Variants in DTNB observed in about 807,000 individuals in gnomAD.
DTNB encodes the protein DTN-B.
DTNB carries 63 observed loss-of-function variants against 90.7 expected under a neutral mutation model. That is an observed-to-expected ratio of 0.69 (90% CI 0.57 to 0.86). The LOEUF (loss-of-function observed/expected upper bound fraction) is 0.86. DTNB is among the 40% of genes least tolerant of loss of function. The pLI is 0.00. For synonymous variants in DTNB, 277 were observed against 286.7 expected, an observed-to-expected ratio of 0.97 and a Z score of 0.34; for missense variants, 744 against 807.1, an observed-to-expected ratio of 0.92 and a Z score of 0.95.
chr2:25,613,792 T>C (rs2069359808), intron 4 of DTNB, among the ~76,000 whole-genome samples: 1 of 152,144 alleles, frequency 6.6e-6, no homozygotes, highest in South Asian at 2.1e-4. Context: ...ACCTTGTCTC[T>C]ACTAAAAATA....
chr2:25,586,643 A>G (rs1175299684), intron 6 of DTNB, among the ~76,000 whole-genome samples: 1 of 152,122 alleles, frequency 6.6e-6, no homozygotes, highest in East Asian at 1.9e-4. Context: ...TCAGGGCATA[A>G]CTGAGCTGTA....
chr2:25,579,690 G>A (rs572641311), intron 7 of DTNB, among the ~76,000 whole-genome samples: 2 of 151,816 alleles, frequency 1.3e-5, no homozygotes, highest in Admixed American at 6.6e-5. Flanking sequence ...TAGTTTCAAG[G>A]CAAAATGGTG....
intron 10 of DTNB, among the ~76,000 whole-genome samples, chr2:25,480,293 T>C (rs1281266942): frequency 1.3e-5 from 2 of 152,208 alleles, no homozygotes; most frequent in Non-Finnish European, 2.9e-5. Context: ...CTGGCTGCCT[T>C]TGGTCTGCTG....
intron 20 of DTNB, among the ~76,000 whole-genome samples, chr2:25,379,088 G>A (rs1490205377): frequency 6.6e-6 from 1 of 152,206 alleles, no homozygotes; most frequent in Non-Finnish European, 1.5e-5. Context: ...ACAGTGCTGT[G>A]CAAGACAGGA....
chr2:25,595,074 G>A (rs566403415), intron 6 of DTNB: 10 of 152,246 alleles, frequency 6.6e-5, no homozygotes, highest in Non-Finnish European at 1.5e-4. Context: ...GTTCAGTTAG[G>A]TTGTAGAAAT....
intron 4 of DTNB, among the ~76,000 whole-genome samples, chr2:25,626,901 C>T (rs537698005): frequency 4.6e-5 from 7 of 152,340 alleles, no homozygotes; most frequent in African/African-American, 1.2e-4. Flanking sequence ...CAGAACATCA[C>T]CATTTAACCT....
intron 17 of DTNB, 107 bp downstream of exon 17, chr2:25,388,095 T>C: frequency 6.7e-7 from 1 of 1,496,716 alleles, no homozygotes; most frequent in African/African-American, 1.4e-5. Flanking sequence ...AATCTGATCA[T>C]TCCAAGCAAA....
intron 1 of DTNB, among the ~76,000 whole-genome samples, chr2:25,661,852 G>C (rs1240092814): frequency 2.6e-5 from 4 of 152,230 alleles, no homozygotes; most frequent in Non-Finnish European, 4.4e-5. Context: ...GCAGTATCTA[G>C]TAATATTAAA....
intron 9 of DTNB, among the ~76,000 whole-genome samples, chr2:25,483,120 G>A (rs2065344721): frequency 6.6e-6 from 1 of 152,108 alleles, no homozygotes; most frequent in African/African-American, 2.4e-5. Context: ...TTCAGCAAGA[G>A]GTTCTCCCTC....
chr2:25,586,319 T>C (rs941479868), intron 6 of DTNB, among the ~76,000 whole-genome samples: 3 of 151,966 alleles, frequency 2.0e-5, no homozygotes, highest in Admixed American at 6.6e-5. Context: ...GAAACCAGCT[T>C]GGCCAACATG....
At chr2:25,488,307 G>A (rs567209023) in intron 9 of DTNB, among the ~76,000 whole-genome samples, 101 of 152,234 alleles carry the variant, frequency 6.6e-4, no homozygotes, top group African/African-American at 2.4e-3. Flanking sequence ...GATTAAGTAC[G>A]CAGGGTTAGG....
intron 2 of DTNB, among the ~76,000 whole-genome samples, chr2:25,640,914 G>A (rs1437435624): frequency 2.0e-5 from 3 of 152,200 alleles, no homozygotes; most frequent in Non-Finnish European, 2.9e-5. Context: ...GCTGAGGCAG[G>A]AGAATGGCAC....
intron 7 of DTNB, among the ~76,000 whole-genome samples, chr2:25,579,043 A>C (rs2061165244): frequency 1.3e-5 from 2 of 152,154 alleles, no homozygotes; most frequent in African/African-American, 4.8e-5. Flanking sequence ...TTAAGAATGT[A>C]ATCAATAAAT....
rs2051052142 is a variant in DTNB, at chr2:25,424,979, C to T, written c.1554+2556G>A. Among the ~76,000 whole-genome samples the T allele has an allele frequency of 6.6e-6, 1 of 152,062 alleles. No homozygotes were observed. The highest frequency in any genetic ancestry group is 2.4e-5 in the African/African-American group (1 of 41,400). ...GCCCGACTGGATACCCTATTATCTC[C>T]CATCCCACAGGTGTACTAACTCCAT... On this transcript the variant is annotated intron_variant, in intron 15 of 20. Coordinates refer to ENST00000406818, the MANE Select transcript of DTNB (RefSeq NM_021907.5). This position sits in a 1 kb window ranked among gnomAD's most constrained non-coding sequence, Gnocchi z 4.1.
At chr2:25,426,312 G>T (rs1158173909) in intron 15 of DTNB, among the ~76,000 whole-genome samples, 7 of 152,210 alleles carry the variant, frequency 4.6e-5, no homozygotes, top group African/African-American at 1.2e-4. Context: ...AACATGAGCA[G>T]CATCATCCAA....
At chr2:25,452,832 T>C (rs2059478815) in intron 11 of DTNB, among the ~76,000 whole-genome samples, 2 of 152,026 alleles carry the variant, frequency 1.3e-5, no homozygotes, top group African/African-American at 4.8e-5. Context: ...CTTCGAGTCT[T>C]CGCCTATGAC....
At chr2:25,650,693 G>A (rs1007951555) in intron 2 of DTNB, among the ~76,000 whole-genome samples, 7 of 152,190 alleles carry the variant, frequency 4.6e-5, no homozygotes, top group African/African-American at 1.4e-4. Context: ...AGGCACAGTG[G>A]CTCAGGCCTG....
At chr2:25,497,830 T>C (rs2069330400) in intron 9 of DTNB, among the ~76,000 whole-genome samples, 1 of 152,224 alleles carries the variant, frequency 6.6e-6, no homozygotes, top group South Asian at 2.1e-4. Context: ...CACCATCACA[T>C]TTCAGCCCTC....
intron 9 of DTNB, among the ~76,000 whole-genome samples, chr2:25,525,767 C>T (rs980765345): frequency 2.0e-5 from 3 of 152,092 alleles, no homozygotes; most frequent in Non-Finnish European, 4.4e-5. Flanking sequence ...ACAGAAAACT[C>T]GATATGGGGA....
Sources: allele counts gnomAD v4.1 joint callset (sites outside exome capture counted in the v4.1 genomes callset), GRCh38; gene constraint gnomAD v4.1.1; non-coding constraint Gnocchi (gnomAD v3.1); transcripts MANE v1.5; gene names NCBI Gene and HGNC (gene_info 2026-07-23, HGNC 2026-07-21).